EBF1: variants seen among roughly 807,000 people sequenced by gnomAD.
EBF1 encodes the protein transcription factor COE1.
A neutral mutation model predicts 68.4 loss-of-function variants in EBF1; 10 were observed. The ratio of observed to expected loss-of-function variants is 0.15; its 90% CI spans 0.09 to 0.25. EBF1 has a LOEUF of 0.25. EBF1 is among the 10% of genes least tolerant of loss of function. The pLI is 1.00. For missense variants in EBF1, 509 were observed against 794.4 expected (o/e 0.64, Z 4.32); for synonymous variants, 298 against 299.8 (o/e 0.99, Z 0.06).
intron 6 of EBF1, among the ~76,000 whole-genome samples, chr5:159,062,370 AG>A (rs1776024633): frequency 6.6e-6 from 1 of 151,430 alleles, no homozygotes; most frequent in African/African-American, 2.4e-5. Context: ...CCGTCTGCCC[AG>A]GTGGCCTTGG....
Position 158,713,004 on chromosome 5 carries a change from C to A in EBF1, c.1335G>T (p.Val445=). 6.5e-7 allele frequency: 1 copy of A among 1,529,676 alleles called. No homozygotes were observed. The allele number at this position is 1,529,676 out of a possible 1,614,324, so 94.8% of individuals were successfully genotyped here. ...TGGCTTGTGATGCCTCGGAGACATT[C>A]ACGGCCAGTTGTCCACTGAACGAAT... ...GVNSFSGQLA[V]NVSEASQATN... Residue 445 remains valine (V), a synonymous_variant, in exon 13 of 16, where the codon GTG becomes GTT. Transcript: ENST00000313708.
At chr5:159,097,470 A>T (rs1782859373) in intron 1 of EBF1, 1 of 329,940 alleles carries the variant, frequency 3.0e-6, no homozygotes, top group South Asian at 6.2e-5. Context: ...GTGGCGGTGG[A>T]TGAAGTGAAC....
intron 4 of EBF1, 135 bp downstream of exon 4, chr5:159,095,485 C>T (rs1310254657): frequency 4.6e-5 from 43 of 935,846 alleles, no homozygotes; most frequent in Non-Finnish European, 6.5e-5. Context: ...GAAGGCCGTG[C>T]AAGTTTGGTC....
chr5:158,746,350 G>A lies in EBF1; in HGVS notation c.1037-15193C>T, dbSNP rs555105198. Among the ~76,000 whole-genome samples, 233 of 152,242 alleles carry A rather than the reference G, an allele frequency of 1.5e-3. 1 individual carries two copies. Among genetic ancestry groups the A allele is most frequent in the Non-Finnish European group, 2.9e-3 (197 of 68,004 alleles). On this transcript the variant is annotated intron_variant, in intron 10 of 15. Coordinates refer to ENST00000313708, the MANE Select transcript of EBF1 (RefSeq NM_024007.5). The stretch of plus-strand genomic sequence containing the variant: ...GAAATCAGTACAAGCTTTCTGGAGG[G>A]CAAACTGGCTATTTTGGGTGGGGAG...
At chr5:158,871,997 A>G (rs1275816132) in intron 6 of EBF1, among the ~76,000 whole-genome samples, 1 of 152,210 alleles carries the variant, frequency 6.6e-6, no homozygotes, top group Non-Finnish European at 1.5e-5. Context: ...AATTGCAGCC[A>G]TGGCTTTTCT....
chr5:158,725,713 T>C (rs1405778586), intron 11 of EBF1, among the ~76,000 whole-genome samples: 1 of 152,090 alleles, frequency 6.6e-6, no homozygotes, highest in Non-Finnish European at 1.5e-5. Context: ...CTGAGAACAA[T>C]TGGGTTCCAC....
rs868131062 is a variant in EBF1, at chr5:158,903,972, G to C, written c.555-63862C>G. 6.6e-5 allele frequency among the ~76,000 whole-genome samples: 10 copies of C among 152,070 alleles called. No homozygotes were observed. In the South Asian group the frequency reaches 1.5e-3, roughly 22 times the overall value. On this transcript the variant is annotated intron_variant, in intron 6 of 15. Transcript: ENST00000313708. Reference sequence around the variant, plus strand: ...CAGAGTAAAAGACCCGGTAATCTAGGGGGTGGAGGGTACAAAACACTTGAT... The same window carrying C: ...CAGAGTAAAAGACCCGGTAATCTAGCGGGTGGAGGGTACAAAACACTTGAT...
intron 6 of EBF1, among the ~76,000 whole-genome samples, chr5:158,927,405 G>A (rs563769010): frequency 1.3e-5 from 2 of 152,242 alleles, no homozygotes; most frequent in Non-Finnish European, 2.9e-5. Context: ...GTGTCCCGGA[G>A]CCCCAAACAG....
intron 6 of EBF1, among the ~76,000 whole-genome samples, chr5:158,996,288 T>C (rs1761398433): frequency 6.6e-6 from 1 of 152,244 alleles, no homozygotes. Flanking sequence ...TATAAATAAC[T>C]TGTAAGCATG....
intron 7 of EBF1, among the ~76,000 whole-genome samples, chr5:158,828,338 C>T (rs983614494): frequency 1.3e-5 from 2 of 152,148 alleles, no homozygotes; most frequent in African/African-American, 4.8e-5. Context: ...TAGAATGTGA[C>T]TGTATTTTCA....
At chr5:158,731,503 T>G (rs1764078882) in intron 10 of EBF1, among the ~76,000 whole-genome samples, 1 of 152,228 alleles carries the variant, frequency 6.6e-6, no homozygotes, top group African/African-American at 2.4e-5. Context: ...GTAAAAGCAC[T>G]CAAGGGCTTG....
At chr5:158,852,819 G>A (rs905403843) in intron 6 of EBF1, among the ~76,000 whole-genome samples, 1 of 152,074 alleles carries the variant, frequency 6.6e-6, no homozygotes, top group African/African-American at 2.4e-5. Flanking sequence ...ACTTTCTGAG[G>A]GTGCTTTGTA....
chr5:158,822,905 C>A (rs1187995840), intron 8 of EBF1, among the ~76,000 whole-genome samples: 1 of 152,114 alleles, frequency 6.6e-6, no homozygotes, highest in East Asian at 1.9e-4. Context: ...TGGTCCAGGC[C>A]TCCTTCTTTC....
intron 9 of EBF1, among the ~76,000 whole-genome samples, chr5:158,779,966 A>C (rs1032975911): frequency 1.3e-5 from 2 of 152,196 alleles, no homozygotes; most frequent in African/African-American, 4.8e-5. Context: ...AATCCTTCAC[A>C]GATGAGGTAG....
chr5:159,014,776 C>A (rs1006899773), intron 6 of EBF1, among the ~76,000 whole-genome samples: 2 of 152,192 alleles, frequency 1.3e-5, no homozygotes, highest in South Asian at 2.1e-4. Context: ...AATATGCAAG[C>A]CGTATCATTA....
intron 6 of EBF1, among the ~76,000 whole-genome samples, chr5:158,926,707 A>C (rs1809775045): frequency 6.6e-6 from 1 of 151,476 alleles, no homozygotes; most frequent in Non-Finnish European, 1.5e-5. Context: ...CTGGGTGACA[A>C]AGACAGAGAG....
intron 6 of EBF1, among the ~76,000 whole-genome samples, chr5:158,950,928 G>A (rs773987912): frequency 9.8e-5 from 15 of 152,308 alleles, no homozygotes; most frequent in Admixed American, 2.6e-4. Context: ...TGGGATGGCT[G>A]GCAGCCCATG....
In EBF1 at chr5:158,731,062, T is replaced by C; in HGVS notation, c.1125+7A>G. ...TTTCAGGAATTACAAAAAGGCAGTATCCTCACCTTTGGCAAACGCTCAGGG... is the reference window on the plus strand; with the variant it reads ...TTTCAGGAATTACAAAAAGGCAGTACCCTCACCTTTGGCAAACGCTCAGGG... On this transcript the variant is annotated splice_region_variant and intron_variant, in intron 11 of 15. Transcript: ENST00000313708. The C allele has an allele frequency of 6.2e-7, 1 of 1,613,308 alleles. No individual in the cohort carries two copies. Among genetic ancestry groups the C allele is most frequent in the African/African-American group, 1.3e-5 (1 of 75,012 alleles).
intron 6 of EBF1, among the ~76,000 whole-genome samples, chr5:159,066,257 C>T (rs889398682): frequency 3.9e-5 from 6 of 152,238 alleles, no homozygotes; most frequent in African/African-American, 1.4e-4. Context: ...TATTGTGCCT[C>T]AAACAGTTAG....
Sources: allele counts gnomAD v4.1 joint callset (sites outside exome capture counted in the v4.1 genomes callset), GRCh38; gene constraint gnomAD v4.1.1; transcripts MANE v1.5; gene names NCBI Gene and HGNC (gene_info 2026-07-23, HGNC 2026-07-21).